Variants in TNFSF4 observed in about 807,000 individuals in gnomAD.
TNFSF4 encodes the protein tumor necrosis factor ligand superfamily member 4.
In TNFSF4, 4 loss-of-function variants were observed where a neutral mutation model predicts 7.3. The observed-to-expected ratio is 0.55, with a 90% CI of 0.27 to 1.25. The LOEUF (loss-of-function observed/expected upper bound fraction) is 1.25. Among genes scored for constraint, TNFSF4 ranks in the 50% most tolerant of loss-of-function variants. The pLI, the probability that TNFSF4 is intolerant of heterozygous loss-of-function variation, is 0.12. For missense variants in TNFSF4, 181 were observed against 208.8 expected (o/e 0.87, Z 0.82); for synonymous variants, 76 against 83.7 (o/e 0.91, Z 0.50).
chr1:173,447,973 T>C, the TNFSF4 span, among the ~76,000 whole-genome samples: 1 of 152,100 alleles, frequency 6.6e-6, no homozygotes, highest in African/African-American at 2.4e-5. Flanking sequence ...AGAAAAAATG[T>C]AGTGGCTATA....
At chr1:173,223,987 G>A in the TNFSF4 span, among the ~76,000 whole-genome samples, 3 of 152,190 alleles carry the variant, frequency 2.0e-5, no homozygotes, top group Non-Finnish European at 4.4e-5. Context: ...AACGCTGCAA[G>A]GACATGCTCT....
chr1:173,264,766 A>G, the TNFSF4 span, among the ~76,000 whole-genome samples: 3 of 152,202 alleles, frequency 2.0e-5, no homozygotes, highest in African/African-American at 4.8e-5. Flanking sequence ...GAAACTTACT[A>G]TAATTTTGTT....
chr1:173,176,306 GAATATTTCACTATTTAATGAGGAGAT>G, the TNFSF4 span, among the ~76,000 whole-genome samples: 24 of 152,074 alleles, frequency 1.6e-4, no homozygotes, highest in African/African-American at 5.3e-4. Context: ...CTTACAGAAG[GAATATTTCACTATTTAATGAGGAGAT>G]ATTATTAATG....
chr1:173,368,058 C>A, the TNFSF4 span, among the ~76,000 whole-genome samples: 1 of 152,148 alleles, frequency 6.6e-6, no homozygotes, highest in East Asian at 1.9e-4. Context: ...CCAATCAGCA[C>A]TCTGTAAAAC....
the TNFSF4 span, among the ~76,000 whole-genome samples, chr1:173,380,133 CCT>C: frequency 1.3e-5 from 2 of 151,468 alleles, no homozygotes; most frequent in African/African-American, 4.9e-5. Context: ...TCCGAGGAAT[CCT>C]GGGACAGCCT....
chr1:173,325,921 G>A, the TNFSF4 span, among the ~76,000 whole-genome samples: 5 of 152,130 alleles, frequency 3.3e-5, no homozygotes, highest in Non-Finnish European at 7.4e-5. Context: ...ATTCACAGCC[G>A]AATTCTACCA....
chr1:173,262,518 TA>T, the TNFSF4 span, among the ~76,000 whole-genome samples: 2 of 150,244 alleles, frequency 1.3e-5, no homozygotes, highest in Non-Finnish European at 3.0e-5. Context: ...GGTAGTCAAA[TA>T]GGAAAAGAGG....
chr1:173,194,075 G>C (rs1442908828), intron 1 of TNFSF4, among the ~76,000 whole-genome samples: 1 of 152,200 alleles, frequency 6.6e-6, no homozygotes, highest in Non-Finnish European at 1.5e-5. Context: ...AAAAATCACT[G>C]CTGTTAACTA....
At chr1:173,271,228 A>G in the TNFSF4 span, among the ~76,000 whole-genome samples, 1 of 152,134 alleles carries the variant, frequency 6.6e-6, no homozygotes, top group South Asian at 2.1e-4. Flanking sequence ...GCCCATGCCT[A>G]TGTCCTGAAT....
At chr1:173,426,225 A>T in the TNFSF4 span, among the ~76,000 whole-genome samples, 2 of 152,140 alleles carry the variant, frequency 1.3e-5, no homozygotes. Flanking sequence ...TTCCTTCTGG[A>T]GGAGCTTCCC....
the TNFSF4 span, among the ~76,000 whole-genome samples, chr1:173,235,821 A>G: frequency 2.0e-5 from 3 of 152,222 alleles, no homozygotes; most frequent in Non-Finnish European, 4.4e-5. Flanking sequence ...ATTGTTGACT[A>G]TAAGTACCAT....
the TNFSF4 span, among the ~76,000 whole-genome samples, chr1:173,310,095 T>C: frequency 1.3e-5 from 2 of 151,904 alleles, no homozygotes; most frequent in African/African-American, 4.8e-5. Flanking sequence ...CAAAATTTAT[T>C]AATCATAAAA....
At chr1:173,308,811 GAGCCT>G in the TNFSF4 span, among the ~76,000 whole-genome samples, 1 of 151,906 alleles carries the variant, frequency 6.6e-6, no homozygotes, top group South Asian at 2.1e-4. Flanking sequence ...TAGCATCTTG[GAGCCT>G]AGCTGGGACT....
upstream of TNFSF4, among the ~76,000 whole-genome samples, chr1:173,212,151 G>A (rs944868575): frequency 6.6e-6 from 1 of 152,210 alleles, no homozygotes; most frequent in East Asian, 1.9e-4. Flanking sequence ...ACCAGCTCTT[G>A]CAGGAACAAA....
the TNFSF4 span, among the ~76,000 whole-genome samples, chr1:173,220,185 T>A: frequency 3.3e-5 from 5 of 152,154 alleles, no homozygotes; most frequent in Non-Finnish European, 5.9e-5. Flanking sequence ...AAAGTTTTTT[T>A]TAAAAAAAAG....
At chr1:173,179,502 T>C (rs1649014028), downstream of TNFSF4, among the ~76,000 whole-genome samples, 1 of 152,194 alleles carries the variant, frequency 6.6e-6, no homozygotes. Context: ...CGACTTGACA[T>C]CTATACACAC....
At chr1:173,415,084 TC>T in the TNFSF4 span, among the ~76,000 whole-genome samples, 3 of 152,142 alleles carry the variant, frequency 2.0e-5, no homozygotes, top group Non-Finnish European at 4.4e-5. Context: ...TGGCTGTAAA[TC>T]CCCCCTTATC....
the TNFSF4 span, among the ~76,000 whole-genome samples, chr1:173,276,242 C>A: frequency 6.6e-6 from 1 of 152,018 alleles, no homozygotes; most frequent in East Asian, 1.9e-4. Context: ...AAAGATTAAT[C>A]CAAATTAAGC....
At chr1:173,311,022 A>G in the TNFSF4 span, among the ~76,000 whole-genome samples, 1 of 151,890 alleles carries the variant, frequency 6.6e-6, no homozygotes, top group Non-Finnish European at 1.5e-5. Context: ...TATATTTTAT[A>G]TTATCTCATG....
Sources: gnomAD v4.1 joint callset for allele counts (sites outside exome capture counted in the v4.1 genomes callset) on GRCh38, gnomAD v4.1.1 for gene constraint, MANE v1.5 for transcripts, NCBI Gene and HGNC (gene_info 2026-07-23, HGNC 2026-07-21) for gene names.